SCN8A: variants seen among roughly 807,000 people sequenced by gnomAD.
SCN8A encodes the protein sodium channel protein type 8 subunit alpha.
Under a neutral mutation model 184.1 loss-of-function variants are expected in SCN8A, and 30 were observed. The observed-to-expected ratio is 0.16, with a 90% CI of 0.12 to 0.22. The LOEUF (loss-of-function observed/expected upper bound fraction) is 0.22. Ranked by LOEUF, SCN8A falls within the 10% of genes least tolerant of loss-of-function variation. The pLI, the probability that SCN8A is intolerant of heterozygous loss-of-function variation, is 1.00. For missense variants in SCN8A, 1,057 were observed against 2,498.9 expected (o/e 0.42, Z 12.30); for synonymous variants, 852 against 907.0 (o/e 0.94, Z 1.09).
chr12:51,628,961 G>A (rs1026061199), intron 1 of SCN8A, among the ~76,000 whole-genome samples: 1 of 152,118 alleles, frequency 6.6e-6, no homozygotes, highest in Admixed American at 6.5e-5. Flanking sequence ...AGTGTGTATA[G>A]ACAAGTTTCT....
rs547227140 is a variant in SCN8A, at chr12:51,645,365, C to T, written c.-54-17399C>T. On this transcript the variant is annotated intron_variant, in intron 1 of 26. Transcript: ENST00000627620. ...CAGCCCCCCGTCTGGCCAGCTGCCC[C>T]GTCCGGGAGGTGAGGGGCGCCTCTG... Among the ~76,000 whole-genome samples, 27 of 151,732 alleles carry T rather than the reference C, an allele frequency of 1.8e-4. No individual in the cohort carries two copies. The East Asian group carries it at 3.9e-3, about 22-fold the overall frequency.
chr12:51,683,439 T>G (rs894978613), intron 2 of SCN8A, among the ~76,000 whole-genome samples: 1 of 152,180 alleles, frequency 6.6e-6, no homozygotes, highest in Non-Finnish European at 1.5e-5. Flanking sequence ...AGGCTGATAT[T>G]GGGGGCTCTT....
intron 6 of SCN8A, among the ~76,000 whole-genome samples, chr12:51,695,338 G>C (rs74095022): frequency 0.058 from 8,906 of 152,278 alleles, 408 homozygotes; most frequent in African/African-American, 0.12. Flanking sequence ...TTGAAAAAGT[G>C]TCTTTTTAGC....
chr12:51,686,588 C>A, intron 4 of SCN8A, 131 bp downstream of exon 4: 1 of 650,708 alleles, frequency 1.5e-6, no homozygotes, highest in African/African-American at 1.8e-5. Flanking sequence ...ACAGAGAAGG[C>A]TGAAAGTACA....
intron 2 of SCN8A, among the ~76,000 whole-genome samples, chr12:51,667,210 G>A (rs1941049011): frequency 6.6e-6 from 1 of 152,126 alleles, no homozygotes; most frequent in African/African-American, 2.4e-5. Flanking sequence ...GGCAACCACT[G>A]ATAGTAGTAT....
chr12:51,688,475 T>A (rs1456928800), intron 5 of SCN8A, among the ~76,000 whole-genome samples: 1 of 152,154 alleles, frequency 6.6e-6, no homozygotes, highest in Non-Finnish European at 1.5e-5. Context: ...TCCTTTTTAC[T>A]AAAAAATGTG....
intron 1 of SCN8A, among the ~76,000 whole-genome samples, chr12:51,623,912 G>C (rs950461656): frequency 6.6e-6 from 1 of 152,152 alleles, no homozygotes; most frequent in African/African-American, 2.4e-5. Flanking sequence ...ATGGTTTCCA[G>C]CTTCATCCAT....
intron 8 of SCN8A, among the ~76,000 whole-genome samples, chr12:51,702,432 T>C (rs1941707106): frequency 6.6e-6 from 1 of 151,984 alleles, no homozygotes; most frequent in Non-Finnish European, 1.5e-5. Context: ...ACAGTACTTC[T>C]CACACTTTGG....
At chr12:51,738,396 G>T (rs962652318) in intron 12 of SCN8A, among the ~76,000 whole-genome samples, 1 of 152,170 alleles carries the variant, frequency 6.6e-6, no homozygotes, top group African/African-American at 2.4e-5. Context: ...CTCCAACTAT[G>T]TTCAGTTGAG....
At chr12:51,771,004 A>G in intron 19 of SCN8A, among the ~76,000 whole-genome samples, 1 of 152,090 alleles carries the variant, frequency 6.6e-6, no homozygotes, top group South Asian at 2.1e-4. Flanking sequence ...CTTTTCAGTT[A>G]CCCAGGATGG....
chr12:51,597,748 G>A (rs892203393), intron 1 of SCN8A, among the ~76,000 whole-genome samples: 5 of 152,124 alleles, frequency 3.3e-5, no homozygotes, highest in African/African-American at 1.2e-4. Context: ...GCAAGCTGGT[G>A]TAAATAGCAT....
intron 1 of SCN8A, among the ~76,000 whole-genome samples, chr12:51,600,307 T>A (rs1939436272): frequency 2.0e-5 from 3 of 152,218 alleles, no homozygotes; most frequent in African/African-American, 7.2e-5. Flanking sequence ...TATACCTTTT[T>A]ATAGACTTGG....
chr12:51,798,503 T>C (rs2138926917), intron 26 of SCN8A, among the ~76,000 whole-genome samples: 1 of 152,338 alleles, frequency 6.6e-6, no homozygotes, highest in Non-Finnish European at 1.5e-5. Context: ...GGTGTCATAT[T>C]GAGGGCTCAG....
intron 25 of SCN8A, 66 bp downstream of exon 25, chr12:51,790,568 C>A: frequency 9.4e-7 from 1 of 1,059,858 alleles, no homozygotes; most frequent in Non-Finnish European, 1.4e-6. Context: ...AGTAGAGTTA[C>A]TGCAAAGGAA....
intron 25 of SCN8A, among the ~76,000 whole-genome samples, chr12:51,791,739 C>T (rs1030035509): frequency 1.3e-5 from 2 of 152,022 alleles, no homozygotes; most frequent in African/African-American, 2.4e-5. Flanking sequence ...AGTAGCTGGG[C>T]GTGGTTATGT....
intron 11 of SCN8A, chr12:51,713,392 G>C (rs1244545406): frequency 2.1e-6 from 2 of 945,434 alleles, no homozygotes; most frequent in Non-Finnish European, 3.4e-6. Flanking sequence ...GGACCATTTT[G>C]TTTGGGGGTC....
At chr12:51,603,708 G>C (rs1258910146) in intron 1 of SCN8A, among the ~76,000 whole-genome samples, 1 of 152,076 alleles carries the variant, frequency 6.6e-6, no homozygotes, top group South Asian at 2.1e-4. Context: ...ATCCTCATTG[G>C]CACTTGGAAT....
chr12:51,807,504 T>C lies in SCN8A; in HGVS notation c.*75T>C, dbSNP rs1017413060. The C allele has an allele frequency of 7.0e-7, 1 of 1,435,152 alleles. No homozygotes were observed. The highest frequency in any genetic ancestry group is 2.0e-5 in the Admixed American group (1 of 50,840). 88.9% of individuals were successfully genotyped at this position (1,435,152 alleles called of 1,614,324 possible). A position where few individuals can be genotyped will look rare whatever the true frequency, so the allele number is the denominator to read the frequency against. ...GATTGTTTACAAACTTCCTGAATAT[T>C]ATCAATGCAGAACAGCTGTGGAGAC... On this transcript the variant is annotated 3_prime_UTR_variant, in exon 27 of 27. Coordinates refer to ENST00000627620, the MANE Select transcript of SCN8A (RefSeq NM_001330260.2). This position sits in a 1 kb window ranked among gnomAD's most constrained non-coding sequence, Gnocchi z 4.5.
At chr12:51,785,283 C>T (rs998402499) in intron 21 of SCN8A, among the ~76,000 whole-genome samples, 1 of 152,166 alleles carries the variant, frequency 6.6e-6, no homozygotes, top group Admixed American at 6.6e-5. Flanking sequence ...CCTTGCTCAA[C>T]TTAATAAACA....
Sources: gnomAD v4.1 joint callset for allele counts (sites outside exome capture counted in the v4.1 genomes callset) on GRCh38, gnomAD v4.1.1 for gene constraint, Gnocchi (gnomAD v3.1) non-coding constraint, MANE v1.5 for transcripts, NCBI Gene and HGNC (gene_info 2026-07-23, HGNC 2026-07-21) for gene names.